Variants in PDE4D observed in about 807,000 individuals in gnomAD.
The protein encoded by PDE4D is 3',5'-cyclic-AMP phosphodiesterase 4D.
PDE4D carries 24 observed loss-of-function variants against 87.4 expected under a neutral mutation model. That is an observed-to-expected ratio of 0.27 (90% CI 0.20 to 0.39). The LOEUF (loss-of-function observed/expected upper bound fraction) is 0.39, where lower values mean the gene tolerates loss of function less well. Among genes scored for constraint, PDE4D ranks in the 10% least tolerant of loss-of-function variants. The pLI is 1.00. For synonymous variants in PDE4D, 384 were observed against 383.2 expected, an observed-to-expected ratio of 1.00 and a Z score of -0.02; for missense variants, 714 against 1,041.0, an observed-to-expected ratio of 0.69 and a Z score of 4.32.
intron 1 of PDE4D, among the ~76,000 whole-genome samples, chr5:59,890,337 T>C (rs902139356): frequency 6.6e-6 from 1 of 151,910 alleles, no homozygotes; most frequent in African/African-American, 2.4e-5. Context: ...AAAAAGACGT[T>C]AGATGTTCTC....
Position 59,345,744 on chromosome 5 carries a change from C to G in PDE4D, c.456-129776G>C, listed in dbSNP as rs565268940. Among the ~76,000 whole-genome samples, 4 of 152,254 alleles carry G rather than the reference C, an allele frequency of 2.6e-5. No homozygotes were observed. The East Asian group carries it at 7.7e-4, about 29-fold the overall frequency. ...GTAAGAATGCAGAGAACTGAAACAT[C>G]ACTTTGGGGGCGACATAAATGTGGC... On this transcript the variant is annotated intron_variant, in intron 1 of 14. Transcript: ENST00000340635.
chr5:60,158,665 C>G (rs2149457227), intron 2 of PDE4D, among the ~76,000 whole-genome samples: 1 of 152,326 alleles, frequency 6.6e-6, no homozygotes, highest in Non-Finnish European at 1.5e-5. Flanking sequence ...TGGGTTCACG[C>G]CATTCTCCTG....
chr5:59,047,434 T>C (rs553909795), intron 5 of PDE4D, among the ~76,000 whole-genome samples: 7 of 152,324 alleles, frequency 4.6e-5, no homozygotes, highest in South Asian at 2.1e-4. Context: ...TTGTATACTA[T>C]TCTAAGACAA....
intron 1 of PDE4D, among the ~76,000 whole-genome samples, chr5:59,543,814 A>G (rs1816784499): frequency 6.6e-6 from 1 of 152,058 alleles, no homozygotes; most frequent in African/African-American, 2.4e-5. Flanking sequence ...CAAGTAAACA[A>G]CTCTTCTATG....
At chr5:59,469,445 G>C (rs1313601028) in intron 1 of PDE4D, among the ~76,000 whole-genome samples, 3 of 152,112 alleles carry the variant, frequency 2.0e-5, no homozygotes, top group Non-Finnish European at 4.4e-5. Flanking sequence ...AATAATAAGT[G>C]GCAAACATCA....
intron 1 of PDE4D, among the ~76,000 whole-genome samples, chr5:59,691,398 T>G (rs376937651): frequency 6.6e-6 from 1 of 151,962 alleles, no homozygotes; most frequent in Non-Finnish European, 1.5e-5. Flanking sequence ...CCATAAAAAA[T>G]GATGAGTTCA....
At chr5:60,217,060 T>C (rs1743930078) in intron 1 of PDE4D, among the ~76,000 whole-genome samples, 1 of 152,076 alleles carries the variant, frequency 6.6e-6, no homozygotes, top group African/African-American at 2.4e-5. Context: ...GTATGTTATA[T>C]ACATACAATG....
chr5:59,724,856 A>G (rs908469205), intron 1 of PDE4D, among the ~76,000 whole-genome samples: 2 of 152,150 alleles, frequency 1.3e-5, no homozygotes, highest in African/African-American at 2.4e-5. Context: ...CTGAAGCCCA[A>G]TACAAATATA....
At chr5:60,465,069 A>G (rs1391863595) in intron 1 of PDE4D, among the ~76,000 whole-genome samples, 1 of 152,148 alleles carries the variant, frequency 6.6e-6, no homozygotes. Flanking sequence ...TAATCGCACC[A>G]CTGCACTCCA....
chr5:60,047,708 T>A (rs1310222404), intron 2 of PDE4D, among the ~76,000 whole-genome samples: 43 of 152,190 alleles, frequency 2.8e-4, no homozygotes, highest in Non-Finnish European at 2.9e-5. Flanking sequence ...TGAGTTCTAG[T>A]TTGATTGCAC....
chr5:59,546,341 A>G (rs1302171820), intron 1 of PDE4D, among the ~76,000 whole-genome samples: 1 of 152,170 alleles, frequency 6.6e-6, no homozygotes, highest in African/African-American at 2.4e-5. Context: ...TCAAAATCAT[A>G]GTGAGCTAGG....
chr5:60,118,561 T>TGGTGTG (rs150441384), intron 2 of PDE4D, among the ~76,000 whole-genome samples: 1 of 144,210 alleles, frequency 6.9e-6, no homozygotes, highest in African/African-American at 2.6e-5. Flanking sequence ...TGGATGTAGG[T>TGGTGTG]TGTGTGTGTG....
At chr5:60,355,203 G>C (rs1759518059) in intron 1 of PDE4D, among the ~76,000 whole-genome samples, 1 of 152,192 alleles carries the variant, frequency 6.6e-6, no homozygotes, top group Non-Finnish European at 1.5e-5. Flanking sequence ...GTAATAGTCA[G>C]GAGACCAAAC....
At chr5:59,393,362 G>A (rs542578774) in intron 1 of PDE4D, among the ~76,000 whole-genome samples, 4 of 151,992 alleles carry the variant, frequency 2.6e-5, no homozygotes, top group African/African-American at 7.2e-5. Context: ...TAGAACAAGG[G>A]GCAAAAATAG....
intron 1 of PDE4D, among the ~76,000 whole-genome samples, chr5:59,465,589 C>A (rs1363746526): frequency 1.3e-5 from 2 of 152,058 alleles, no homozygotes; most frequent in Admixed American, 1.3e-4. Context: ...TTGTCTGTTT[C>A]TTCTCATCAT....
rs34174642 is a variant in PDE4D, at chr5:59,961,302, T to TAA, written c.272+27184_272+27185dup. Reference sequence around the variant, plus strand: ...AAAGAGAAGACACAGAGACCCAGATTAAAAAAAAAAAAAAGGCCACGAGAG... The same window carrying TAA: ...AAAGAGAAGACACAGAGACCCAGATTAAAAAAAAAAAAAAAAGGCCACGAGAG... On this transcript the variant is annotated intron_variant, in intron 3 of 16. Coordinates refer to the PDE4D transcript ENST00000502484. Among the ~76,000 whole-genome samples the TAA allele has an allele frequency of 9.2e-3, 1,257 of 136,058 alleles. 16 individuals are homozygous for TAA. Among genetic ancestry groups the TAA allele is most frequent in the African/African-American group, 0.033 (1,196 of 36,056 alleles). 89.3% of individuals were successfully genotyped at this position (136,058 alleles called of 152,430 possible). A position where few individuals can be genotyped will look rare whatever the true frequency, so the allele number is the denominator to read the frequency against.
intron 3 of PDE4D, among the ~76,000 whole-genome samples, chr5:59,961,560 A>G (rs1759475577): frequency 6.6e-6 from 1 of 152,154 alleles, no homozygotes; most frequent in South Asian, 2.1e-4. Context: ...GGTCATTTAT[A>G]TGGCAGCCTC....
At chr5:59,742,223 T>C (rs981209133) in intron 1 of PDE4D, among the ~76,000 whole-genome samples, 3 of 152,042 alleles carry the variant, frequency 2.0e-5, no homozygotes, top group Non-Finnish European at 4.4e-5. Context: ...ACTACCATAT[T>C]TGGTGAATTT....
chr5:59,226,981 C>T (rs1197917356), intron 1 of PDE4D, among the ~76,000 whole-genome samples: 1 of 152,050 alleles, frequency 6.6e-6, no homozygotes, highest in Non-Finnish European at 1.5e-5. Context: ...ATGTGCTGAC[C>T]ACTAACTAAG....
Sources: gnomAD v4.1 joint callset for allele counts (sites outside exome capture counted in the v4.1 genomes callset) on GRCh38, gnomAD v4.1.1 for gene constraint, MANE v1.5 for transcripts, NCBI Gene and HGNC (gene_info 2026-07-23, HGNC 2026-07-21) for gene names.